Variants in TBC1D1 observed in about 807,000 individuals in gnomAD.
The protein encoded by TBC1D1 is TBC1 domain family member 1, also known as TBC1 (tre-2/USP6, BUB2, cdc16) domain family, member 1.
A neutral mutation model predicts 125.6 loss-of-function variants in TBC1D1; 89 were observed. The observed-to-expected ratio is 0.71, with a 90% CI of 0.60 to 0.85. TBC1D1 has a LOEUF of 0.85. Ranked by LOEUF, TBC1D1 falls within the 40% of genes least tolerant of loss-of-function variation. The pLI is 0.00. For missense variants in TBC1D1, 1,377 were observed against 1,469.2 expected, an observed-to-expected ratio of 0.94 and a Z score of 1.03; for synonymous variants, 565 against 564.1, an observed-to-expected ratio of 1.00 and a Z score of -0.02.
chr4:37,945,285 G>A (rs138591672), intron 2 of TBC1D1, among the ~76,000 whole-genome samples: 308 of 151,652 alleles, frequency 2.0e-3, no homozygotes, highest in Non-Finnish European at 3.7e-3. Context: ...AGGCTGAGGC[G>A]GGCAGATCAC....
chr4:37,984,363 A>AT (rs953077327), intron 2 of TBC1D1, among the ~76,000 whole-genome samples: 2 of 152,202 alleles, frequency 1.3e-5, no homozygotes, highest in African/African-American at 4.8e-5. Flanking sequence ...TGCCTATACC[A>AT]TTTTGTATTG....
chr4:37,996,928 G>A (rs1560589789), intron 2 of TBC1D1, among the ~76,000 whole-genome samples: 1 of 152,244 alleles, frequency 6.6e-6, no homozygotes, highest in Admixed American at 6.5e-5. Flanking sequence ...GTTTTTGTCT[G>A]TGAGGGGGAG....
intron 17 of TBC1D1, chr4:38,119,940 C>G: frequency 1.0e-6 from 1 of 985,388 alleles, no homozygotes; most frequent in Non-Finnish European, 1.2e-6. Flanking sequence ...GCAGAAAGTT[C>G]TGGGGCTCTG....
intron 12 of TBC1D1, among the ~76,000 whole-genome samples, chr4:38,066,544 G>A (rs115525244): frequency 0.013 from 1,990 of 152,096 alleles, 41 homozygotes; most frequent in African/African-American, 0.045. Context: ...TGTTGCCCAG[G>A]CTGGTCTTGA....
Position 37,963,954 on chromosome 4 carries a change from G to T in TBC1D1, c.418-50555G>T, listed in dbSNP as rs187805536. Among the ~76,000 whole-genome samples the T allele has an allele frequency of 2.5e-4, 38 of 152,194 alleles. 1 individual carries two copies. Among genetic ancestry groups the T allele is most frequent in the Admixed American group, 9.8e-4 (15 of 15,276 alleles). ...TACAGGGTCCCTGATGTTGGTTAGG[G>T]GCCCTCTCTGTAGCTTTCATAGCAC... On this transcript the variant is annotated intron_variant, in intron 2 of 19. Coordinates refer to ENST00000261439, the MANE Select transcript of TBC1D1 (RefSeq NM_015173.4).
chr4:37,971,608 A>C (rs1467215991), intron 2 of TBC1D1, among the ~76,000 whole-genome samples: 1 of 152,130 alleles, frequency 6.6e-6, no homozygotes, highest in Non-Finnish European at 1.5e-5. Context: ...CAGCCAAACC[A>C]TATCAGATAC....
chr4:37,995,578 A>G lies in TBC1D1; in HGVS notation c.418-18931A>G. The G allele has an allele frequency of 2.2e-6, 1 of 444,924 alleles. No individual in the cohort carries two copies. The highest frequency in any genetic ancestry group is 4.4e-6 in the Non-Finnish European group (1 of 227,580). 27.6% of individuals were successfully genotyped at this position (444,924 alleles called of 1,614,324 possible). ...GATGATATGATAAAGCTCAGCACAG[A>G]AGGCCTTCAGGTCCAGTACCCTGGC... On this transcript the variant is annotated intron_variant, in intron 2 of 19. Transcript: ENST00000261439. This position sits in a 1 kb window ranked among gnomAD's most constrained non-coding sequence, Gnocchi z 4.3.
intron 2 of TBC1D1, among the ~76,000 whole-genome samples, chr4:38,011,470 A>G (rs1741490359): frequency 6.6e-6 from 1 of 152,212 alleles, no homozygotes; most frequent in South Asian, 2.1e-4. Flanking sequence ...GTCTCTTAGT[A>G]TACTTGACTA....
At chr4:37,917,050 C>T (rs866415258) in intron 2 of TBC1D1, among the ~76,000 whole-genome samples, 11 of 151,842 alleles carry the variant, frequency 7.2e-5, no homozygotes, top group Non-Finnish European at 7.4e-5. Flanking sequence ...GGATTACAGG[C>T]GTGAGGCACC....
chr4:38,050,929 C>T (rs879906852), intron 11 of TBC1D1, among the ~76,000 whole-genome samples: 13 of 152,320 alleles, frequency 8.5e-5, no homozygotes, highest in Non-Finnish European at 7.3e-5. Flanking sequence ...AAGCAGGGGA[C>T]ATGTCAGAAG....
At chr4:38,015,657 G>C (rs1222176879) in intron 3 of TBC1D1, among the ~76,000 whole-genome samples, 2 of 152,110 alleles carry the variant, frequency 1.3e-5, no homozygotes, top group South Asian at 2.1e-4. Flanking sequence ...GCAGCGAGCC[G>C]GTCTCTGACA....
intron 15 of TBC1D1, chr4:38,110,185 G>A (rs977942843): frequency 1.0e-6 from 1 of 985,138 alleles, no homozygotes. Context: ...GCAGTCAGAT[G>A]GGCTCTGAAT....
At chr4:38,095,146 A>G (rs1217755311) in intron 13 of TBC1D1, among the ~76,000 whole-genome samples, 1 of 152,174 alleles carries the variant, frequency 6.6e-6, no homozygotes, top group African/African-American at 2.4e-5. Flanking sequence ...AAAAGCTGAG[A>G]GGAAGGCAGC....
intron 12 of TBC1D1, among the ~76,000 whole-genome samples, chr4:38,074,347 G>A (rs1414454427): frequency 1.3e-5 from 2 of 152,164 alleles, no homozygotes; most frequent in Admixed American, 1.3e-4. Context: ...CCCAACACAA[G>A]GTTAAACAAC....
intron 2 of TBC1D1, among the ~76,000 whole-genome samples, chr4:38,009,392 T>C (rs1448022526): frequency 1.3e-5 from 2 of 152,198 alleles, no homozygotes; most frequent in African/African-American, 4.8e-5. Flanking sequence ...TCAGACTTAT[T>C]TAATATTTGT....
Position 38,115,781 on chromosome 4 carries a change from T to G in TBC1D1, c.2629T>G (p.Leu877Val). The G allele has an allele frequency of 6.2e-7, 1 of 1,614,208 alleles. No homozygotes were observed. The highest frequency in any genetic ancestry group is 8.5e-7 in the Non-Finnish European group (1 of 1,180,032). ...AGGACAGCTATCGCTTTACAACATT[T>G]TGAAGGCCTACTCACTTCTAGACCA... Residue 877 changes from leucine (L) to valine (V), a missense_variant, in exon 16 of 20, where the codon TTG becomes GTG. Leu to Val is a conservative substitution (Grantham distance 32). Around this residue, in one of 3 missense-constraint regions of TBC1D1, gnomAD observed 543 missense variants for 613.5 expected, o/e 0.89. Transcript: ENST00000261439.
chr4:38,046,749 T>C (rs1749568416), intron 10 of TBC1D1, among the ~76,000 whole-genome samples: 2 of 152,254 alleles, frequency 1.3e-5, no homozygotes, highest in African/African-American at 4.8e-5. Context: ...TCTATGTCCT[T>C]CTTTTAATAA....
chr4:37,922,931 A>G (rs1403683739), intron 2 of TBC1D1, among the ~76,000 whole-genome samples: 1 of 152,008 alleles, frequency 6.6e-6, no homozygotes, highest in Non-Finnish European at 1.5e-5. Flanking sequence ...TGCCACAGCT[A>G]ATGGATGGGG....
intron 2 of TBC1D1, among the ~76,000 whole-genome samples, chr4:37,971,867 G>A (rs1043502890): frequency 3.9e-5 from 6 of 152,164 alleles, no homozygotes; most frequent in African/African-American, 1.2e-4. Flanking sequence ...ACTTGGCTAG[G>A]TGGAGTGTTT....
Sources: gnomAD v4.1 joint callset for allele counts (sites outside exome capture counted in the v4.1 genomes callset) on GRCh38, gnomAD v4.1.1 for gene constraint, gnomAD v4.1.1 regional missense constraint, Gnocchi (gnomAD v3.1) non-coding constraint, MANE v1.5 for transcripts, NCBI Gene and HGNC (gene_info 2026-07-23, HGNC 2026-07-21) for gene names.